DPF3: variants seen among roughly 807,000 people sequenced by gnomAD.
DPF3 encodes the protein double PHD fingers 3, also known as zinc finger protein DPF3.
DPF3 carries 18 observed loss-of-function variants against 56.8 expected under a neutral mutation model. That is an observed-to-expected ratio of 0.32 (90% confidence interval 0.22 to 0.47). The LOEUF is 0.47. Among genes scored for constraint, DPF3 ranks in the 20% least tolerant of loss-of-function variants. The probability of loss-of-function intolerance (pLI) is 1.00; values close to 1 mark genes in which losing one functional copy is unlikely to be tolerated. For synonymous variants in DPF3, 188 were observed against 180.2 expected, an observed-to-expected ratio of 1.04 and a Z score of -0.35; for missense variants, 403 against 488.8, an observed-to-expected ratio of 0.82 and a Z score of 1.65.
chr14:72,743,303 G>A (rs191010465), intron 3 of DPF3, among the ~76,000 whole-genome samples: 39 of 152,118 alleles, frequency 2.6e-4, no homozygotes, highest in East Asian at 2.1e-3. Context: ...TTTCATCTGC[G>A]GGTCCAGGAT....
rs528093898 is a variant in DPF3, at chr14:72,823,941, T to C, written c.33-52048A>G. Among the ~76,000 whole-genome samples the C allele has an allele frequency of 1.9e-4, 28 of 151,078 alleles. No homozygotes were observed. The South Asian group carries it at 2.9e-3, about 16-fold the overall frequency. On this transcript the variant is annotated intron_variant, in intron 1 of 10. Transcript: ENST00000556509. ...GGGAAGCTGAGCCACTGGGGAAGAG[T>C]GGATGCATTTGGACAAACAGGAATG...
chr14:72,677,788 T>C (rs1295807182), intron 7 of DPF3, among the ~76,000 whole-genome samples: 1 of 152,010 alleles, frequency 6.6e-6, no homozygotes, highest in Non-Finnish European at 1.5e-5. Context: ...GCTCCCAGAG[T>C]ACACAGAAGT....
chr14:72,706,524 T>C (rs1378525408), intron 6 of DPF3, among the ~76,000 whole-genome samples: 3 of 152,340 alleles, frequency 2.0e-5, no homozygotes, highest in South Asian at 2.1e-4. Context: ...GCTTTCCCAC[T>C]GTGCCCCATC....
At chr14:72,729,352 T>G (rs190286226) in intron 4 of DPF3, among the ~76,000 whole-genome samples, 1 of 152,276 alleles carries the variant, frequency 6.6e-6, no homozygotes, top group African/African-American at 2.4e-5. Context: ...GGCAAAGGCC[T>G]GAGGTCTGGG....
rs943793505 is a variant in DPF3 at position 72,728,902 on chromosome 14, C to T, written c.429+2905G>A. On this transcript the variant is annotated intron_variant, in intron 4 of 10. Coordinates refer to ENST00000556509, the MANE Select transcript of DPF3 (RefSeq NM_001280542.3). ...GCAGAGTGGAATCGGGAGGCAGGGG[C>T]AGTCAGGGCAAGGGTGTGAGATGAA... 3.9e-5 allele frequency among the ~76,000 whole-genome samples: 6 copies of T among 152,088 alleles called. No homozygotes were observed. In the South Asian group the frequency reaches 6.2e-4, roughly 16 times the overall value.
intron 5 of DPF3, among the ~76,000 whole-genome samples, chr14:72,722,901 C>T (rs1889239543): frequency 6.6e-6 from 1 of 152,054 alleles, no homozygotes; most frequent in Non-Finnish European, 1.5e-5. Flanking sequence ...CTGGCTTTTT[C>T]CTTGTCCCAT....
chr14:72,860,771 G>C (rs574719366), intron 1 of DPF3, among the ~76,000 whole-genome samples: 1 of 151,204 alleles, frequency 6.6e-6, no homozygotes, highest in Non-Finnish European at 1.5e-5. Flanking sequence ...TCACCATGTT[G>C]GCCAGGCTGG....
intron 1 of DPF3, among the ~76,000 whole-genome samples, chr14:72,851,753 T>C (rs756272399): frequency 2.6e-5 from 4 of 152,188 alleles, no homozygotes; most frequent in Non-Finnish European, 5.9e-5. Context: ...ATGTACAAAA[T>C]GTCCACTCGA....
chr14:72,874,555 C>T (rs568043568), intron 1 of DPF3, among the ~76,000 whole-genome samples: 14 of 152,196 alleles, frequency 9.2e-5, no homozygotes, highest in Admixed American at 1.3e-4. Flanking sequence ...CAAAGTTTCA[C>T]GAATCTCTAG....
intron 8 of DPF3, among the ~76,000 whole-genome samples, chr14:72,644,455 A>G (rs929284127): frequency 2.0e-5 from 3 of 152,224 alleles, no homozygotes; most frequent in Admixed American, 2.0e-4. Context: ...CTTACTTAGA[A>G]AGCTAGAGGG....
chr14:72,757,029 G>A (rs1446367776), intron 2 of DPF3, among the ~76,000 whole-genome samples: 2 of 128,936 alleles, frequency 1.6e-5, no homozygotes, highest in Non-Finnish European at 3.3e-5. Context: ...GGAAGAAGGG[G>A]AGAGAGGGAG....
chr14:72,642,500 A>G (rs1463693001), intron 8 of DPF3, among the ~76,000 whole-genome samples: 1 of 152,146 alleles, frequency 6.6e-6, no homozygotes, highest in Non-Finnish European at 1.5e-5. Flanking sequence ...TTTTTCAGTG[A>G]ATCTCCTTTA....
intron 6 of DPF3, among the ~76,000 whole-genome samples, chr14:72,709,478 C>T (rs904684154): frequency 6.6e-6 from 1 of 152,148 alleles, no homozygotes; most frequent in Non-Finnish European, 1.5e-5. Context: ...CTGACTCCAG[C>T]CTGCCCGCCT....
chr14:72,643,775 A>G (rs2803968), intron 8 of DPF3, among the ~76,000 whole-genome samples: 51,239 of 152,124 alleles, frequency 0.34, 10,090 homozygotes, highest in African/African-American at 0.55. Context: ...CCAATTTCAC[A>G]CCACACCTCC....
chr14:72,877,667 G>C (rs1407605259), intron 1 of DPF3, among the ~76,000 whole-genome samples: 1 of 152,118 alleles, frequency 6.6e-6, no homozygotes, highest in African/African-American at 2.4e-5. Flanking sequence ...GACACTCGCT[G>C]GGATCTTCAG....
At chr14:72,648,026 A>G (rs1337812906) in intron 8 of DPF3, among the ~76,000 whole-genome samples, 2 of 151,828 alleles carry the variant, frequency 1.3e-5, no homozygotes, top group Non-Finnish European at 2.9e-5. Context: ...CCTTTTTCCT[A>G]CTTACTCAAC....
intron 5 of DPF3, among the ~76,000 whole-genome samples, chr14:72,721,663 C>T (rs1208900465): frequency 6.6e-6 from 1 of 151,956 alleles, no homozygotes; most frequent in African/African-American, 2.4e-5. Context: ...CAGGGTATGC[C>T]CCTGATGTGA....
Position 72,728,936 on chromosome 14 carries a change from C to A in DPF3, c.429+2871G>T, listed in dbSNP as rs147227762. 1.9e-3 allele frequency among the ~76,000 whole-genome samples: 292 copies of A among 152,182 alleles called. 1 individual carries two copies. Among genetic ancestry groups the A allele is most frequent in the Middle Eastern group, 6.8e-3 (2 of 294 alleles). On this transcript the variant is annotated intron_variant, in intron 4 of 10. Transcript: ENST00000556509. ...CAAGGGTGTGAGATGAAGTACGGCA[C>A]GGTCAGGGACATCTTTGAGAGAAGA...
chr14:72,724,023 G>A (rs1889291104), intron 4 of DPF3: 1 of 255,304 alleles, frequency 3.9e-6, no homozygotes, highest in Non-Finnish European at 7.3e-6. Flanking sequence ...GCTGGTAGGG[G>A]CCCTTTTCTA....
Sources: gnomAD v4.1 joint callset for allele counts (sites outside exome capture counted in the v4.1 genomes callset) on GRCh38, gnomAD v4.1.1 for gene constraint, MANE v1.5 for transcripts, NCBI Gene and HGNC (gene_info 2026-07-23, HGNC 2026-07-21) for gene names.